Variants in DRC9 observed in about 807,000 individuals in gnomAD.
The protein encoded by DRC9 is dynein regulatory complex subunit 9, also known as dynein regulatory complex protein 9.
At chr3:197,915,516 TGTGA>T in the DRC9 span, among the ~76,000 whole-genome samples, 39 of 152,212 alleles carry the variant, frequency 2.6e-4, no homozygotes, top group Non-Finnish European at 4.9e-4. Context: ...GGAATCAGTG[TGTGA>T]GTAAGTCCAC....
the DRC9 span, among the ~76,000 whole-genome samples, chr3:197,907,164 G>A: frequency 3.4e-4 from 51 of 152,162 alleles, no homozygotes; most frequent in Non-Finnish European, 4.4e-5. Context: ...AGGAAAGCAA[G>A]CACAGAGCTT....
the DRC9 span, chr3:197,956,624 G>GTTTTTTTTTTTTTTTTTTTTTTT: frequency 2.2e-5 from 3 of 135,190 alleles, no homozygotes; most frequent in African/African-American, 8.3e-5. Flanking sequence ...TTGCTGTATG[G>GTTTTTTTTTTTTTTTTTTTTTTT]TTTTTTTTTT....
At chr3:197,952,162 GTTTTTTTTTTT>G in the DRC9 span, among the ~76,000 whole-genome samples, 879 of 83,904 alleles carry the variant, frequency 0.01, 9 homozygotes, top group Non-Finnish European at 0.015. Context: ...AAAATTATGG[GTTTTTTTTTTT>G]TTTTTTTTTT....
the DRC9 span, among the ~76,000 whole-genome samples, chr3:197,893,956 TGA>T: frequency 2.6e-5 from 4 of 152,190 alleles, no homozygotes; most frequent in African/African-American, 9.7e-5. Flanking sequence ...TCAATATTTC[TGA>T]GAGAGTTATT....
the DRC9 span, chr3:197,951,455 C>G: frequency 2.3e-6 from 2 of 865,738 alleles, no homozygotes; most frequent in Non-Finnish European, 3.8e-6. Flanking sequence ...CGGGTTCAAG[C>G]AAGTGTCCTG....
At chr3:197,896,989 G>A in the DRC9 span, among the ~76,000 whole-genome samples, 113 of 152,232 alleles carry the variant, frequency 7.4e-4, 2 homozygotes, top group Middle Eastern at 3.4e-3. Flanking sequence ...ACACTGAACC[G>A]AACCATGTCA....
chr3:197,936,409 C>T, the DRC9 span, among the ~76,000 whole-genome samples: 35 of 152,150 alleles, frequency 2.3e-4, no homozygotes, highest in East Asian at 6.0e-3. Context: ...CTGTCACACA[C>T]GCTGGAGTGC....
At chr3:197,950,582 C>A in the DRC9 span, 1 of 347,274 alleles carries the variant, frequency 2.9e-6, no homozygotes, top group East Asian at 5.6e-5. Context: ...CTCCCCCAGC[C>A]ATTGCATAAA....
At chr3:197,912,752 G>C in the DRC9 span, 1 of 1,612,152 alleles carries the variant, frequency 6.2e-7, no homozygotes, top group Non-Finnish European at 8.5e-7. Context: ...CTGAGTTTCT[G>C]TAAGAACAAT....
the DRC9 span, among the ~76,000 whole-genome samples, chr3:197,939,774 C>T: frequency 1.3e-5 from 2 of 151,806 alleles, no homozygotes; most frequent in Admixed American, 6.6e-5. Flanking sequence ...GGTCTTGCTC[C>T]GCCGCCCAGG....
At chr3:197,951,443 C>T in the DRC9 span, 2 of 987,228 alleles carry the variant, frequency 2.0e-6, no homozygotes, top group Non-Finnish European at 3.2e-6. Flanking sequence ...ACCTCCGCCT[C>T]CCGGGTTCAA....
At chr3:197,913,629 CAAG>C in the DRC9 span, 1 of 588,358 alleles carries the variant, frequency 1.7e-6, no homozygotes, top group Admixed American at 3.0e-5. Context: ...AAGAAGTGAC[CAAG>C]GAGAGAAAGT....
the DRC9 span, among the ~76,000 whole-genome samples, chr3:197,890,649 G>A: frequency 6.6e-6 from 1 of 152,136 alleles, no homozygotes; most frequent in Non-Finnish European, 1.5e-5. Flanking sequence ...GAAAGCAAAC[G>A]TGCTCTTCAG....
chr3:197,927,073 C>G, the DRC9 span, among the ~76,000 whole-genome samples: 1 of 152,084 alleles, frequency 6.6e-6, no homozygotes, highest in Non-Finnish European at 1.5e-5. Context: ...TGAGAAACAG[C>G]CTTCTGCTTC....
At chr3:197,901,856 T>C in the DRC9 span, among the ~76,000 whole-genome samples, 2 of 152,160 alleles carry the variant, frequency 1.3e-5, no homozygotes, top group Admixed American at 1.3e-4. The surrounding 1 kb of genome is among the most constrained non-coding windows in gnomAD (Gnocchi z 4.4). Flanking sequence ...ACCTGCTGAT[T>C]GTAGAGTCCT....
chr3:197,891,564 T>A, the DRC9 span: 1 of 1,383,638 alleles, frequency 7.2e-7, no homozygotes, highest in Non-Finnish European at 1.0e-6. Context: ...AGATAGACAT[T>A]CATCATTTAT....
chr3:197,957,476 T>A, the DRC9 span: 1 of 139,162 alleles, frequency 7.2e-6, no homozygotes. Flanking sequence ...TTTTTTTTTT[T>A]TGAGACAGTC....
At chr3:197,923,722 C>T in the DRC9 span, among the ~76,000 whole-genome samples, 3 of 151,648 alleles carry the variant, frequency 2.0e-5, no homozygotes, top group Admixed American at 6.6e-5. Context: ...AAAGTGAGAC[C>T]GTGTCTCAAA....
At chr3:197,907,850 T>C in the DRC9 span, among the ~76,000 whole-genome samples, 2 of 150,258 alleles carry the variant, frequency 1.3e-5, no homozygotes, top group Non-Finnish European at 1.5e-5. Context: ...GAGCAACCCT[T>C]TCCAAGGCAC....
Sources: allele counts gnomAD v4.1 joint callset (sites outside exome capture counted in the v4.1 genomes callset), GRCh38; gene constraint gnomAD v4.1.1; non-coding constraint Gnocchi (gnomAD v3.1); transcripts MANE v1.5; gene names NCBI Gene and HGNC (gene_info 2026-07-23, HGNC 2026-07-21).